The following RAB5IF variants were observed in gnomAD, a reference collection of about 807,000 sequenced individuals.
RAB5IF encodes RAB5 interacting factor.
In RAB5IF, 15 loss-of-function variants were observed where a neutral mutation model predicts 20.3. That is an observed-to-expected ratio of 0.74 (90% CI 0.50 to 1.14). The LOEUF (loss-of-function observed/expected upper bound fraction) is 1.14. RAB5IF is among the 50% of genes most tolerant of loss of function. RAB5IF has a pLI of 0.00. For synonymous variants in RAB5IF, 67 were observed against 63.7 expected (o/e 1.05, Z -0.25); for missense variants, 148 against 159.5 (o/e 0.93, Z 0.39).
At chr20:36,609,181 A>ACGCACACACG in intron 2 of RAB5IF, among the ~76,000 whole-genome samples, 1 of 39,012 alleles carries the variant, frequency 2.6e-5, no homozygotes, top group Non-Finnish European at 4.9e-5. Context: ...ACACACACAC[A>ACGCACACACG]CACACACACA....
intron 2 of RAB5IF, chr20:36,608,106 G>A: frequency 1.9e-6 from 1 of 525,610 alleles, no homozygotes; most frequent in South Asian, 1.8e-5. Context: ...TTCGTGGCAT[G>A]CACTCTAGTT....
At chr20:36,606,751 C>A (rs1331785469) in intron 1 of RAB5IF, among the ~76,000 whole-genome samples, 2 of 152,156 alleles carry the variant, frequency 1.3e-5, no homozygotes, top group African/African-American at 4.8e-5. Flanking sequence ...TCTTACTCGT[C>A]CCATTCGGAG....
At chr20:36,609,232 C>G (rs1568595671) in intron 2 of RAB5IF, among the ~76,000 whole-genome samples, 1 of 128,848 alleles carries the variant, frequency 7.8e-6, no homozygotes, top group African/African-American at 3.3e-5. Context: ...CACACACACA[C>G]ACACACACAC....
intron 1 of RAB5IF, 72 bp from the exon 2 acceptor site, chr20:36,607,643 T>C (rs1237099735): frequency 1.9e-6 from 3 of 1,573,618 alleles, no homozygotes; most frequent in Non-Finnish European, 2.6e-6. Context: ...CAGAAAGGTT[T>C]AATATTCTCC....
At chr20:36,607,259 CTT>C (rs1157365481) in intron 1 of RAB5IF, among the ~76,000 whole-genome samples, 33 of 132,852 alleles carry the variant, frequency 2.5e-4, no homozygotes, top group African/African-American at 3.7e-4. Flanking sequence ...CTAAATGTAT[CTT>C]TTTTTTTTTT....
chr20:36,610,686 C>T (rs889916625), intron 3 of RAB5IF, among the ~76,000 whole-genome samples: 1 of 147,762 alleles, frequency 6.8e-6, no homozygotes, highest in South Asian at 2.1e-4. Context: ...GGCAACAGAG[C>T]GAGACTCCGT....
chr20:36,609,671 T>A lies in RAB5IF; in HGVS notation c.289T>A (p.Tyr97Asn). ...TTACCTACAGATTGATGAGGAAGAA[T>A]ATGGTGGCACGTGGGAGCTCACGAA... ...SNYLQIDEEE[Y>N]GGTWELTKEG... Residue 97 changes from tyrosine (Y) to asparagine (N), a missense_variant, in exon 3 of 4, where the codon TAT (tyrosine) becomes AAT (asparagine). Transcript: ENST00000344795. The A allele has an allele frequency of 6.2e-7, 1 of 1,614,116 alleles. No homozygotes were observed. The highest frequency in any genetic ancestry group is 2.2e-5 in the East Asian group (1 of 44,882).
Position 36,609,653 on chromosome 20 carries a change from C to T in RAB5IF, c.271C>T (p.Gln91Ter). ...VLYLYFSNYL[Q>*]IDEEEYGGTW... is the part of the protein sequence containing the mutation. ...GTACCTCTACTTCAGCAATTACCTA[C>T]AGATTGATGAGGAAGAATATGGTGG... Residue 91 changes from glutamine to a stop codon, truncating the protein, a stop_gained, in exon 3 of 4, where the codon CAG (glutamine) becomes TAG (stop). Coordinates refer to ENST00000344795, the MANE Select transcript of RAB5IF (RefSeq NM_018840.5). LOFTEE classifies it high-confidence loss of function. 1 of 1,613,550 alleles carries T rather than the reference C, an allele frequency of 6.2e-7. No individual in the cohort carries two copies. The highest frequency in any genetic ancestry group is 8.5e-7 in the Non-Finnish European group (1 of 1,179,632).
rs551332728 is a variant in RAB5IF, at chr20:36,611,714, A to G, written c.349-296A>G. On this transcript the variant is annotated intron_variant, in intron 3 of 3. Transcript: ENST00000344795. ...TAGTCGCAGCACCTGCTAGCAGTGT[A>G]ATATGCTTTACTTGAATCATTTCCA... 5.9e-5 allele frequency among the ~76,000 whole-genome samples: 9 copies of G among 152,232 alleles called. No homozygotes were observed. The Middle Eastern group carries it at 0.01, about 173-fold the overall frequency.
intron 2 of RAB5IF, among the ~76,000 whole-genome samples, chr20:36,609,261 TATAG>T (rs1292102563): frequency 4.1e-5 from 5 of 122,554 alleles, no homozygotes; most frequent in Admixed American, 2.6e-4. Flanking sequence ...ACACACTATA[TATAG>T]AGTTTCGCTG....
rs2038967776 is a variant in RAB5IF at position 36,607,709 on chromosome 20, C to T, written c.115-6C>T. ...ATAATTCTTGCATTTTCTGTCTTTT[C>T]TACAGGATGAATTTTTAGATGTGAT... On this transcript the variant is annotated splice_polypyrimidine_tract_variant and splice_region_variant and intron_variant, in intron 1 of 3. Transcript: ENST00000344795. The T allele has an allele frequency of 6.2e-7, 1 of 1,613,774 alleles. No individual in the cohort carries two copies. The highest frequency in any genetic ancestry group is 1.3e-5 in the African/African-American group (1 of 75,038).
Position 36,607,405 on chromosome 20 carries a change from T to G in RAB5IF, c.115-310T>G, listed in dbSNP as rs1339633811. 5.3e-5 allele frequency among the ~76,000 whole-genome samples: 8 copies of G among 152,070 alleles called. No individual in the cohort carries two copies. The East Asian group carries it at 1.5e-3, about 29-fold the overall frequency. ...CACAACACCCGGCTAATTTTTTGTA[T>G]TTTTAGTAGAGACAGGGTTTCACCA... On this transcript the variant is annotated intron_variant, in intron 1 of 3. Transcript: ENST00000344795.
rs1042373669 is a variant in RAB5IF at position 36,606,065 on chromosome 20, G to A, written c.114G>A (p.Lys38=). The change falls in exon 1 of 4, where the codon AAG becomes AAA. Residue 38 remains lysine (K), a splice_region_variant and synonymous_variant. Coordinates refer to ENST00000344795, the MANE Select transcript of RAB5IF (RefSeq NM_018840.5). ...GGAGCGACGCGGCCTGGGAGGATAAGGTACGGTGGAGTCTGAACAGGGCGC... is the reference window on the plus strand; with the variant it reads ...GGAGCGACGCGGCCTGGGAGGATAAAGTACGGTGGAGTCTGAACAGGGCGC... ...VLRSDAAWED[K]DEFLDVIYWF... is the part of the protein sequence containing the mutation. 47 of 1,475,518 alleles carry A rather than the reference G, an allele frequency of 3.2e-5. No homozygotes were observed. The highest frequency in any genetic ancestry group is 3.9e-5 in the Non-Finnish European group (43 of 1,103,006). The allele number at this position is 1,475,518 out of a possible 1,614,324, so 91.4% of individuals were successfully genotyped here.
chr20:36,612,352 C>T lies in RAB5IF; in HGVS notation c.*301C>T, dbSNP rs549100811. 5.5e-4 allele frequency: 448 copies of T among 810,710 alleles called. 3 individuals carry two copies. The highest frequency in any genetic ancestry group is 4.4e-3 in the Middle Eastern group (13 of 2,968). 50.2% of individuals were successfully genotyped at this position (810,710 alleles called of 1,614,324 possible). A position where few individuals can be genotyped will look rare whatever the true frequency, so the allele number is the denominator to read the frequency against. On this transcript the variant is annotated 3_prime_UTR_variant, in exon 4 of 4. Transcript: ENST00000344795. ...TGGAGCTGTCATTTAATTTGATGCACCTCTGGATTCAGATGAAACATTAAA... is the reference window on the plus strand; with the variant it reads ...TGGAGCTGTCATTTAATTTGATGCATCTCTGGATTCAGATGAAACATTAAA...
At chr20:36,609,201 A>ACC (rs2039029060) in intron 2 of RAB5IF, among the ~76,000 whole-genome samples, 1 of 59,458 alleles carries the variant, frequency 1.7e-5, no homozygotes, top group Non-Finnish European at 3.2e-5. Context: ...ACACGCACAC[A>ACC]CGCACACACG....
At position 36,609,346 on chromosome 20, in the gene RAB5IF, TCTC is replaced by T. The variant is rs1295128964; in HGVS notation, c.219-252_219-250del. On this transcript the variant is annotated intron_variant, in intron 2 of 3. Transcript: ENST00000344795. ...CTCTCCGCCTCTGGGTTCAAGCAGTTCTCCTGCCTCCACCTCCTGAGCAGCTGG... is the reference window on the plus strand; with the variant it reads ...CTCTCCGCCTCTGGGTTCAAGCAGTTCTGCCTCCACCTCCTGAGCAGCTGG... 7.9e-5 allele frequency among the ~76,000 whole-genome samples: 12 copies of T among 151,740 alleles called. No individual in the cohort carries two copies. The East Asian group carries it at 2.3e-3, about 29-fold the overall frequency.
In RAB5IF at chr20:36,606,041, G is replaced by A. The variant is rs1401149056; in HGVS notation, c.90G>A (p.Arg30=). 1.3e-6 allele frequency: 2 copies of A among 1,517,780 alleles called. No individual in the cohort carries two copies. The highest frequency in any genetic ancestry group is 1.2e-5 in the South Asian group (1 of 80,472). The allele number at this position is 1,517,780 out of a possible 1,614,324, so 94.0% of individuals were successfully genotyped here. ...LKVSVWSKVL[R]SDAAWEDKDE... The stretch of plus-strand genomic sequence containing the variant: ...TCTCCGTCTGGAGTAAGGTGCTGCG[G>A]AGCGACGCGGCCTGGGAGGATAAGG... Residue 30 remains arginine (R), a synonymous_variant, in exon 1 of 4, where the codon CGG becomes CGA. Coordinates refer to ENST00000344795, the MANE Select transcript of RAB5IF (RefSeq NM_018840.5).
Position 36,605,888 on chromosome 20 carries a change from G to T in RAB5IF, c.-64G>T, listed in dbSNP as rs2038919620. 1.0e-6 allele frequency: 1 copy of T among 987,228 alleles called. No individual in the cohort carries two copies. Among genetic ancestry groups the T allele is most frequent in the South Asian group, 2.5e-5 (1 of 40,262 alleles). 61.2% of individuals were successfully genotyped at this position (987,228 alleles called of 1,614,324 possible). On this transcript the variant is annotated 5_prime_UTR_variant, in exon 1 of 4. Transcript: ENST00000344795. Reference sequence around the variant, plus strand: ...CCCCGCGCCGTGACCTGCGACCCTAGACCCCGACTCCCTTTGGCTCAGCCC... The same window carrying T: ...CCCCGCGCCGTGACCTGCGACCCTATACCCCGACTCCCTTTGGCTCAGCCC...
At chr20:36,607,317 C>T (rs2038958129) in intron 1 of RAB5IF, among the ~76,000 whole-genome samples, 2 of 150,598 alleles carry the variant, frequency 1.3e-5, no homozygotes, top group Admixed American at 1.3e-4. Context: ...CAACCTCCAC[C>T]TCCCAGGTTC....
Sources: allele counts gnomAD v4.1 joint callset (sites outside exome capture counted in the v4.1 genomes callset), GRCh38; gene constraint gnomAD v4.1.1; transcripts MANE v1.5; gene names NCBI Gene and HGNC (gene_info 2026-07-23, HGNC 2026-07-21).